The following RTCB variants were observed in gnomAD, a reference collection of about 807,000 sequenced individuals.
The protein encoded by RTCB is RNA-splicing ligase RTCB.
RTCB carries 32 observed loss-of-function variants against 58.2 expected under a neutral mutation model. The observed-to-expected ratio is 0.55, with a 90% CI of 0.41 to 0.74. The LOEUF (loss-of-function observed/expected upper bound fraction) is 0.74. RTCB is among the 30% of genes least tolerant of loss of function. The pLI is 0.00. For missense variants in RTCB, 523 were observed against 639.0 expected (o/e 0.82, Z 1.96); for synonymous variants, 247 against 218.6 (o/e 1.13, Z -1.15).
intron 6 of RTCB, among the ~76,000 whole-genome samples, chr22:32,399,250 T>C (rs1472146908): frequency 6.6e-6 from 1 of 152,002 alleles, no homozygotes; most frequent in Non-Finnish European, 1.5e-5. Context: ...AGTCCTCCTG[T>C]CTTAGCCTTC....
rs202229511 is a variant in RTCB, at chr22:32,395,208, C to A, written c.997G>T (p.Ala333Ser). 6.2e-6 allele frequency: 10 copies of A among 1,613,770 alleles called. No individual in the cohort carries two copies. The highest frequency in any genetic ancestry group is 1.7e-4 in the Middle Eastern group (1 of 6,060). Residue 333 changes from alanine (A) to serine (S), a missense_variant, in exon 9 of 12, where the codon GCC becomes TCC. Coordinates refer to ENST00000216038, the MANE Select transcript of RTCB (RefSeq NM_014306.5). Reference sequence around the variant, plus strand: ...TCAGGGGTTGTGTTGAAGACCTTGGCGAAAGCCTAGGAGAAAACACAGAAG... The same window carrying A: ...TCAGGGGTTGTGTTGAAGACCTTGGAGAAAGCCTAGGAGAAAACACAGAAG... ...SMTFLTRQAF[A>S]KVFNTTPDDL...
rs768127346 is a variant in RTCB at position 32,401,731 on chromosome 22, A to T, written c.497+16T>A. The T allele has an allele frequency of 6.2e-7, 1 of 1,613,164 alleles. No homozygotes were observed. Among genetic ancestry groups the T allele is most frequent in the Non-Finnish European group, 8.5e-7 (1 of 1,179,478 alleles). Reference sequence around the variant, plus strand: ...TTATCCCTCCCATACCATGTACTGGAAACGTGTGCTCTTACTTGGCATTCA... The same window carrying T: ...TTATCCCTCCCATACCATGTACTGGTAACGTGTGCTCTTACTTGGCATTCA... On this transcript the variant is annotated intron_variant, in intron 5 of 11. Coordinates refer to ENST00000216038, the MANE Select transcript of RTCB (RefSeq NM_014306.5).
intron 1 of RTCB, 36 bp downstream of exon 1, chr22:32,412,028 G>A (rs767226609): frequency 1.3e-6 from 2 of 1,542,334 alleles, no homozygotes; most frequent in Non-Finnish European, 1.8e-6. Context: ...CGGGGACGGA[G>A]CACGGAAGGC....
intron 1 of RTCB, among the ~76,000 whole-genome samples, chr22:32,410,645 G>T (rs896272738): frequency 6.6e-6 from 1 of 152,000 alleles, no homozygotes; most frequent in Non-Finnish European, 1.5e-5. Context: ...GGCTGAGTCA[G>T]AACACCTGCC....
intron 6 of RTCB, among the ~76,000 whole-genome samples, 186 bp downstream of exon 6, chr22:32,399,417 G>A (rs1933298206): frequency 6.6e-6 from 1 of 151,814 alleles, no homozygotes; most frequent in South Asian, 2.1e-4. Context: ...GCTGGTGTGA[G>A]CCACCGCATC....
chr22:32,388,829 G>A lies in RTCB; in HGVS notation c.1411-730C>T, dbSNP rs117722028. ...CATCTCCCATTCCCTTCCAGTTTCT[G>A]AAACTTTCCCACTGTGGCCTCTGGA... On this transcript the variant is annotated intron_variant, in intron 11 of 11. Coordinates refer to ENST00000216038, the MANE Select transcript of RTCB (RefSeq NM_014306.5). Among the ~76,000 whole-genome samples the A allele has an allele frequency of 2.7e-3, 416 of 152,180 alleles. 1 individual carries two copies. Among genetic ancestry groups the A allele is most frequent in the Admixed American group, 8.0e-3 (122 of 15,278 alleles).
intron 11 of RTCB, among the ~76,000 whole-genome samples, chr22:32,389,897 G>A (rs979871041): frequency 6.6e-6 from 1 of 152,084 alleles, no homozygotes; most frequent in African/African-American, 2.4e-5. Context: ...CTACCTCTCT[G>A]ACCTCATCTC....
intron 8 of RTCB, 95 bp downstream of exon 8, chr22:32,395,979 C>T: frequency 2.3e-6 from 3 of 1,286,112 alleles, no homozygotes; most frequent in Non-Finnish European, 3.3e-6. Context: ...GGATTACAGG[C>T]ATGAGCCACC....
At chr22:32,389,477 A>T (rs1024611783) in intron 11 of RTCB, among the ~76,000 whole-genome samples, 1 of 152,038 alleles carries the variant, frequency 6.6e-6, no homozygotes, top group African/African-American at 2.4e-5. Flanking sequence ...CACTGTGCCT[A>T]ATTTTTTTTA....
chr22:32,387,866 C>T lies in RTCB; in HGVS notation c.*126G>A, dbSNP rs765399585. On this transcript the variant is annotated 3_prime_UTR_variant, in exon 12 of 12. Transcript: ENST00000216038. ...GCAGCCTCCCCATCAGCCATTTTGG[C>T]GTGAGCAGTTACAGCTGCACACTTT... 7 of 605,072 alleles carry T rather than the reference C, an allele frequency of 1.2e-5. No individual in the cohort carries two copies. Among genetic ancestry groups the T allele is most frequent in the South Asian group, 2.2e-5 (1 of 45,486 alleles). 37.5% of individuals were successfully genotyped at this position (605,072 alleles called of 1,614,324 possible).
intron 3 of RTCB, chr22:32,407,623 G>A (rs1289871842): frequency 1.3e-5 from 2 of 152,528 alleles, no homozygotes; most frequent in East Asian, 3.8e-4. Flanking sequence ...ACTGATCCAG[G>A]AATAATGTTA....
chr22:32,412,150 G>C lies in RTCB; in HGVS notation c.7C>G (p.Arg3Gly). Residue 3 changes from arginine to glycine, a missense_variant, in exon 1 of 12, where the codon CGC (arginine) becomes GGC (glycine). Arg to Gly is a moderately radical substitution (Grantham distance 125). Around this residue, in one of 3 missense-constraint regions of RTCB, gnomAD observed 134 missense variants for 129.9 expected, o/e 1.03. Coordinates refer to ENST00000216038, the MANE Select transcript of RTCB (RefSeq NM_014306.5). ...AACTGCAGCTCATCATTATAGCTGC[G>C]ACTCATGGTGGCGAAAACTGTAGCA... MS[R>G]SYNDELQFLE... The C allele has an allele frequency of 1.3e-6, 2 of 1,591,992 alleles. No individual in the cohort carries two copies. Among genetic ancestry groups the C allele is most frequent in the Non-Finnish European group, 1.7e-6 (2 of 1,170,696 alleles).
chr22:32,403,842 G>A (rs1933378203), intron 4 of RTCB, among the ~76,000 whole-genome samples: 1 of 152,148 alleles, frequency 6.6e-6, no homozygotes, highest in South Asian at 2.1e-4. Context: ...CTGAAATTCT[G>A]TATACTCTAA....
intron 11 of RTCB, 26 bp from the exon 12 acceptor site, chr22:32,388,125 T>G (rs1324538496): frequency 7.0e-7 from 1 of 1,425,996 alleles, no homozygotes; most frequent in Non-Finnish European, 9.9e-7. Context: ...TTAAACATTG[T>G]ACAAGTCCAC....
chr22:32,396,209 C>A lies in RTCB; in HGVS notation c.855G>T (p.Lys285Asn). ...VAMEKAMKRD[K>N]IIVNDRQLAC... ...CCAACTGCCGATCATTGACTATAAT[C>A]TTGTCTCTCTTCATGGCCTTCTCCA... Residue 285 changes from lysine (K) to asparagine (N), a missense_variant, in exon 8 of 12, where the codon AAG becomes AAT. By Grantham distance (94) the Lys-to-Asn change is moderately conservative. This residue lies in a region of RTCB where 248 missense variants were observed against 292.5 expected (regional missense o/e 0.85). Transcript: ENST00000216038. 6.2e-7 allele frequency: 1 copy of A among 1,614,188 alleles called. No homozygotes were observed. Among genetic ancestry groups the A allele is most frequent in the Non-Finnish European group, 8.5e-7 (1 of 1,180,020 alleles).
chr22:32,390,553 G>A (rs5754060), intron 11 of RTCB, among the ~76,000 whole-genome samples: 49,056 of 151,578 alleles, frequency 0.32, 7,951 homozygotes, highest in East Asian at 0.51. Flanking sequence ...CGTTCACGCC[G>A]TTCTCCTGCC....
Position 32,395,055 on chromosome 22 carries a change from G to A in RTCB, c.1150C>T (p.His384Tyr), listed in dbSNP as rs1250007979. 2 of 1,614,018 alleles carry A rather than the reference G, an allele frequency of 1.2e-6. No homozygotes were observed. Among genetic ancestry groups the A allele is most frequent in the African/African-American group, 2.7e-5 (2 of 74,924 alleles). Residue 384 changes from histidine (H) to tyrosine (Y), a missense_variant, in exon 9 of 12, where the codon CAC (histidine) becomes TAC (tyrosine). Around this residue, in one of 3 missense-constraint regions of RTCB, gnomAD observed 248 missense variants for 292.5 expected, o/e 0.85. Coordinates refer to ENST00000216038, the MANE Select transcript of RTCB (RefSeq NM_014306.5). ...RKGSTRAFPP[H>Y]HPLIAVDYQL... is the part of the protein sequence containing the mutation. ...TAATCAACAGCAATGAGGGGATGGT[G>A]AGGAGGGAAAGCGCGGGTGGATCCC... is the stretch of plus-strand genomic sequence containing the variant.
At position 32,396,211 on chromosome 22, in the gene RTCB, T is replaced by C. The variant is rs373392783; in HGVS notation, c.853A>G (p.Lys285Glu). 4 of 1,614,084 alleles carry C rather than the reference T, an allele frequency of 2.5e-6. No homozygotes were observed. The highest frequency in any genetic ancestry group is 3.4e-6 in the Non-Finnish European group (4 of 1,180,030). Residue 285 changes from lysine to glutamate, a missense_variant, in exon 8 of 12, where the codon AAG (lysine) becomes GAG (glutamate). By Grantham distance (56) the Lys-to-Glu change is moderately conservative. Transcript: ENST00000216038. Reference sequence around the variant, plus strand: ...AACTGCCGATCATTGACTATAATCTTGTCTCTCTTCATGGCCTTCTCCATA... The same window carrying C: ...AACTGCCGATCATTGACTATAATCTCGTCTCTCTTCATGGCCTTCTCCATA... ...VAMEKAMKRD[K>E]IIVNDRQLAC... is the part of the protein sequence containing the mutation.
intron 11 of RTCB, 70 bp from the exon 12 acceptor site, chr22:32,388,169 C>G: frequency 4.3e-6 from 4 of 920,276 alleles, no homozygotes; most frequent in Non-Finnish European, 7.0e-6. Context: ...CCAAACTTCA[C>G]TTGTGATGAA....
Sources: gnomAD v4.1 joint callset for allele counts (sites outside exome capture counted in the v4.1 genomes callset) on GRCh38, gnomAD v4.1.1 for gene constraint, gnomAD v4.1.1 regional missense constraint, MANE v1.5 for transcripts, NCBI Gene and HGNC (gene_info 2026-07-23, HGNC 2026-07-21) for gene names.